The following SVIL variants were observed in gnomAD, a reference collection of about 807,000 sequenced individuals.
The protein encoded by SVIL is archvillin.
Under a neutral mutation model 240.4 loss-of-function variants are expected in SVIL, and 101 were observed. The ratio of observed to expected loss-of-function variants is 0.42; its 90% CI spans 0.36 to 0.50. The LOEUF (loss-of-function observed/expected upper bound fraction) is 0.50, where lower values mean the gene tolerates loss of function less well. Among genes scored for constraint, SVIL ranks in the 20% least tolerant of loss-of-function variants. The probability of loss-of-function intolerance (pLI) is 0.01; values close to 1 mark genes in which losing one functional copy is unlikely to be tolerated. For synonymous variants in SVIL, 999 were observed against 1,100.0 expected (o/e 0.91, Z 1.82); for missense variants, 2,512 against 2,818.7 (o/e 0.89, Z 2.46).
intron 3 of SVIL, among the ~76,000 whole-genome samples, chr10:29,557,164 C>T (rs58636472): frequency 0.054 from 8,168 of 151,890 alleles, 272 homozygotes; most frequent in Admixed American, 0.11. Flanking sequence ...GGCACGATCT[C>T]GACTCACTGC....
intron 1 of SVIL, among the ~76,000 whole-genome samples, chr10:29,587,717 G>C (rs559058907): frequency 5.3e-5 from 8 of 152,094 alleles, no homozygotes; most frequent in African/African-American, 1.9e-4. Flanking sequence ...CAGGAACTTA[G>C]GTGGCATATA....
chr10:29,699,365 A>C (rs17544592), intron 1 of SVIL, among the ~76,000 whole-genome samples: 2,317 of 151,488 alleles, frequency 0.015, 42 homozygotes, highest in East Asian at 0.096. Context: ...AATGCAGTGC[A>C]ATCTTGGCTC....
intron 17 of SVIL, among the ~76,000 whole-genome samples, chr10:29,511,380 C>G (rs1949823863): frequency 7.2e-6 from 1 of 138,766 alleles, no homozygotes; most frequent in Middle Eastern, 3.7e-3. Context: ...CTCCCAGTTC[C>G]TGATGGGCCG....
At chr10:29,572,799 AAAG>A (rs1420371745) in intron 1 of SVIL, among the ~76,000 whole-genome samples, 1 of 151,848 alleles carries the variant, frequency 6.6e-6, no homozygotes, top group Non-Finnish European at 1.5e-5. Flanking sequence ...AAAAAGAAAA[AAAG>A]AATAGAGAGA....
intron 1 of SVIL, among the ~76,000 whole-genome samples, chr10:29,699,550 C>A (rs1962345025): frequency 6.6e-6 from 1 of 152,184 alleles, no homozygotes; most frequent in Non-Finnish European, 1.5e-5. Context: ...ATGATCCACC[C>A]TCCTTGGCCT....
At chr10:29,595,588 T>C (rs1589348789) in intron 1 of SVIL, among the ~76,000 whole-genome samples, 1 of 152,210 alleles carries the variant, frequency 6.6e-6, no homozygotes, top group African/African-American at 2.4e-5. Context: ...GAACTAAAAA[T>C]GTAAATATGA....
intron 3 of SVIL, among the ~76,000 whole-genome samples, chr10:29,651,522 A>T (rs1958834402): frequency 6.8e-6 from 1 of 147,610 alleles, no homozygotes; most frequent in Non-Finnish European, 1.5e-5. Flanking sequence ...CCTTGTGCTC[A>T]CTCTCTTACT....
chr10:29,696,302 T>C (rs1391879009), intron 1 of SVIL, among the ~76,000 whole-genome samples: 1 of 152,048 alleles, frequency 6.6e-6, no homozygotes, highest in East Asian at 2.0e-4. Flanking sequence ...CGGCTCGCTA[T>C]GGCCTCCACC....
rs1394841531 is a variant in SVIL at position 29,462,312 on chromosome 10, C to T, written c.6367G>A (p.Glu2123Lys). The T allele has an allele frequency of 6.2e-7, 1 of 1,614,160 alleles. No homozygotes were observed. Among genetic ancestry groups the T allele is most frequent in the South Asian group, 1.1e-5 (1 of 91,086 alleles). Residue 2123 changes from glutamate (E) to lysine (K), a missense_variant, in exon 36 of 38, where the codon GAG becomes AAG. Coordinates refer to ENST00000355867, the MANE Select transcript of SVIL (RefSeq NM_021738.3). ...ATCTCAGCGATGTCCTCTCTGTGCT[C>T]CCAGCTGGGAAACATATTGGTGAAT... ...LTFTNMFPSW[E>K]HREDIAEITE...
intron 17 of SVIL, among the ~76,000 whole-genome samples, chr10:29,499,984 A>T (rs925453895): frequency 4.6e-5 from 7 of 152,258 alleles, no homozygotes; most frequent in Admixed American, 1.3e-4. Flanking sequence ...TGCTTCTTCC[A>T]TTTCCAAGCC....
At chr10:29,607,603 A>G (rs189353938) in intron 1 of SVIL, among the ~76,000 whole-genome samples, 196 of 152,122 alleles carry the variant, frequency 1.3e-3, no homozygotes, top group African/African-American at 4.6e-3. Context: ...ACTGAATTGC[A>G]TTGTTACTGT....
chr10:29,677,719 C>T (rs971159324), intron 2 of SVIL, among the ~76,000 whole-genome samples: 2 of 152,142 alleles, frequency 1.3e-5, no homozygotes, highest in South Asian at 2.1e-4. Flanking sequence ...CTGTGACCAG[C>T]GAGGATACAT....
intron 1 of SVIL, among the ~76,000 whole-genome samples, chr10:29,730,340 G>A (rs1964547798): frequency 6.6e-6 from 1 of 152,200 alleles, no homozygotes. Flanking sequence ...AGAAGAAGAT[G>A]AGACTCAACC....
At chr10:29,544,247 T>A (rs1690239723) in intron 6 of SVIL, among the ~76,000 whole-genome samples, 1 of 152,202 alleles carries the variant, frequency 6.6e-6, no homozygotes, top group South Asian at 2.1e-4. Flanking sequence ...TATTAACTTT[T>A]GAATCTCATT....
At chr10:29,663,248 T>C (rs762287530) in intron 2 of SVIL, among the ~76,000 whole-genome samples, 2 of 152,240 alleles carry the variant, frequency 1.3e-5, no homozygotes, top group African/African-American at 2.4e-5. Flanking sequence ...ACAGTATCTA[T>C]AGAATGGTGA....
At chr10:29,487,037 C>T (rs1947472517) in intron 24 of SVIL, 126 bp downstream of exon 24, 13 of 1,178,924 alleles carry the variant, frequency 1.1e-5, no homozygotes, top group Non-Finnish European at 1.4e-5. Context: ...GAAATCCTAC[C>T]TATCCCTTCT....
Position 29,465,751 on chromosome 10 carries a change from C to A in SVIL, c.5978-1G>T. On this transcript the variant is annotated splice_acceptor_variant, in intron 33 of 37. Coordinates refer to ENST00000355867, the MANE Select transcript of SVIL (RefSeq NM_021738.3). LOFTEE classifies it high-confidence loss of function. The stretch of plus-strand genomic sequence containing the variant: ...GGCGCGAAGTTAAAACTTCCAGGAT[C>A]TTTGAAAGAAAAGAGAACAAAGCTG... 6.2e-7 allele frequency: 1 copy of A among 1,611,608 alleles called. No homozygotes were observed. The highest frequency in any genetic ancestry group is 8.5e-7 in the Non-Finnish European group (1 of 1,179,706).
intron 17 of SVIL, among the ~76,000 whole-genome samples, chr10:29,499,529 A>T (rs951762597): frequency 2.0e-5 from 3 of 152,182 alleles, no homozygotes; most frequent in African/African-American, 4.8e-5. Flanking sequence ...GCACCAGAAC[A>T]ATCCTTTGTA....
chr10:29,554,787 G>T lies in SVIL; in HGVS notation c.156C>A (p.His52Gln). Residue 52 changes from histidine (H) to glutamine (Q), a missense_variant, in exon 5 of 38, where the codon CAC (histidine) becomes CAA (glutamine). Around this residue, in one of 3 missense-constraint regions of SVIL, gnomAD observed 1,443 missense variants for 1,486.6 expected, o/e 0.97. Coordinates refer to ENST00000355867, the MANE Select transcript of SVIL (RefSeq NM_021738.3). Reference sequence around the variant, plus strand: ...GCCACCCAGCTCCACGCTCACCGATGTGGGGGCTGGCAGGGTCGCTGGCTC... The same window carrying T: ...GCCACCCAGCTCCACGCTCACCGATTTGGGGGCTGGCAGGGTCGCTGGCTC... The part of the protein sequence containing the change: ...YMRASDPASP[H>Q]IGRSNEEEET... 1 of 1,595,996 alleles carries T rather than the reference G, an allele frequency of 6.3e-7. No homozygotes were observed.
Sources: allele counts gnomAD v4.1 joint callset (sites outside exome capture counted in the v4.1 genomes callset), GRCh38; gene constraint gnomAD v4.1.1; regional missense constraint gnomAD v4.1.1; transcripts MANE v1.5; gene names NCBI Gene and HGNC (gene_info 2026-07-23, HGNC 2026-07-21).